Variants in STPG2 observed in about 807,000 individuals in gnomAD.
STPG2 encodes sperm tail PG-rich repeat containing 2, also known as sperm-tail PG-rich repeat-containing protein 2.
A neutral mutation model predicts 54.2 loss-of-function variants in STPG2; 56 were observed. That is an observed-to-expected ratio of 1.03 (90% CI 0.83 to 1.29). STPG2 has a LOEUF of 1.29. Ranked by LOEUF, STPG2 falls within the 50% of genes most tolerant of loss-of-function variation. The pLI is 0.00. For synonymous variants in STPG2, 200 were observed against 181.8 expected (o/e 1.10, Z -0.81); for missense variants, 596 against 544.9 (o/e 1.09, Z -0.93).
intron 8 of STPG2, among the ~76,000 whole-genome samples, chr4:97,863,769 C>G (rs369861136): frequency 1.3e-5 from 2 of 152,140 alleles, no homozygotes; most frequent in East Asian, 1.9e-4. Context: ...TGGGCTTCAT[C>G]CCTGGGATGC....
intron 4 of STPG2, among the ~76,000 whole-genome samples, chr4:97,502,879 T>A (rs1004770164): frequency 2.0e-5 from 3 of 152,020 alleles, no homozygotes; most frequent in African/African-American, 7.2e-5. Flanking sequence ...CCCCTTACGC[T>A]GTGAATAGCA....
At chr4:97,904,147 G>T (rs1018796645) in intron 8 of STPG2, among the ~76,000 whole-genome samples, 3 of 152,240 alleles carry the variant, frequency 2.0e-5, no homozygotes, top group Non-Finnish European at 4.4e-5. Context: ...TCTGGGGGCA[G>T]GGCACAGAAA....
intron 8 of STPG2, among the ~76,000 whole-genome samples, chr4:97,900,528 A>T (rs1043050541): frequency 6.6e-6 from 1 of 151,916 alleles, no homozygotes; most frequent in African/African-American, 2.4e-5. Context: ...AACCTCAGTG[A>T]CCATTAATGA....
At chr4:97,472,994 G>A (rs1729975877) in intron 4 of STPG2, among the ~76,000 whole-genome samples, 1 of 152,062 alleles carries the variant, frequency 6.6e-6, no homozygotes, top group Non-Finnish European at 1.5e-5. Context: ...AAGATTTCAT[G>A]GACACTTATC....
intron 5 of STPG2, among the ~76,000 whole-genome samples, chr4:98,001,949 A>G (rs112040053): frequency 0.012 from 1,790 of 152,216 alleles, 30 homozygotes; most frequent in African/African-American, 0.041. Flanking sequence ...ATCTTAGAGT[A>G]TAAGTATATT....
At chr4:97,990,697 G>A (rs972601238) in intron 5 of STPG2, among the ~76,000 whole-genome samples, 1 of 152,088 alleles carries the variant, frequency 6.6e-6, no homozygotes, top group Non-Finnish European at 1.5e-5. Flanking sequence ...CCCAGACCTT[G>A]AAAGTATACT....
intron 5 of STPG2, among the ~76,000 whole-genome samples, chr4:98,003,225 T>C (rs1735468428): frequency 1.3e-5 from 2 of 152,070 alleles, no homozygotes; most frequent in South Asian, 4.1e-4. Context: ...GATGAAAAGT[T>C]GTAATATTTT....
At position 97,707,963 on chromosome 4, in the gene STPG2, C is replaced by G. The variant is rs149446574; in HGVS notation, c.1320+4736G>C. On this transcript the variant is annotated intron_variant, in intron 10 of 10. Transcript: ENST00000295268. ...AAGCATGCAAAACATGGTAAAATTT[C>G]TTAGATAAGTTGGTAACCATTACTA... Among the ~76,000 whole-genome samples, 421 of 152,174 alleles carry G rather than the reference C, an allele frequency of 2.8e-3. 3 individuals carry two copies. Among genetic ancestry groups the G allele is most frequent in the African/African-American group, 9.3e-3 (386 of 41,532 alleles).
chr4:97,660,534 G>C (rs1722349398), intron 10 of STPG2, among the ~76,000 whole-genome samples: 1 of 152,156 alleles, frequency 6.6e-6, no homozygotes, highest in African/African-American at 2.4e-5. Context: ...AATGGGAAAG[G>C]ATGAGTTCTC....
chr4:97,905,826 A>C (rs1731391887), intron 8 of STPG2, among the ~76,000 whole-genome samples: 2 of 152,230 alleles, frequency 1.3e-5, no homozygotes, highest in Non-Finnish European at 2.9e-5. Context: ...AACGAGAACA[A>C]AGACACAACA....
chr4:98,078,692 G>C (rs1341739648), intron 5 of STPG2, among the ~76,000 whole-genome samples: 1 of 152,136 alleles, frequency 6.6e-6, no homozygotes, highest in South Asian at 2.1e-4. Flanking sequence ...GAATTAATCT[G>C]CTCTTACAAA....
intron 5 of STPG2, among the ~76,000 whole-genome samples, chr4:98,093,828 G>C (rs928644473): frequency 1.3e-5 from 2 of 152,170 alleles, no homozygotes; most frequent in African/African-American, 4.8e-5. Context: ...GCTGAGCTCA[G>C]CCAGCACCCA....
rs142108725 is a variant in STPG2 at position 97,457,281 on chromosome 4, G to A, written c.462+255418C>T. ...TTAACCAGATGAAATGAACACTTAT[G>A]TCTATTCAAAAACCTGCACATGAAT... is the stretch of plus-strand genomic sequence containing the variant. On this transcript the variant is annotated intron_variant, in intron 4 of 4. Coordinates refer to the STPG2 transcript ENST00000522676. Among the ~76,000 whole-genome samples, 64 of 152,312 alleles carry A rather than the reference G, an allele frequency of 4.2e-4. 1 individual carries two copies. The highest frequency in any genetic ancestry group is 5.4e-4 in the Non-Finnish European group (37 of 68,030).
intron 1 of STPG2, among the ~76,000 whole-genome samples, chr4:98,141,206 G>GA (rs569239423): frequency 2.6e-5 from 4 of 151,624 alleles, no homozygotes; most frequent in East Asian, 1.9e-4. Flanking sequence ...ATGAGACAAG[G>GA]AAAAAAAATC....
At chr4:97,561,385 C>T (rs1310470821) in intron 10 of STPG2, among the ~76,000 whole-genome samples, 1 of 152,124 alleles carries the variant, frequency 6.6e-6, no homozygotes, top group African/African-American at 2.4e-5. Context: ...AATTTTCTCC[C>T]ATTTTGTAGG....
chr4:97,993,175 A>G (rs1735075582), intron 5 of STPG2, among the ~76,000 whole-genome samples: 1 of 152,142 alleles, frequency 6.6e-6, no homozygotes, highest in Non-Finnish European at 1.5e-5. Flanking sequence ...TCTCAGGAAG[A>G]ATGCTTTCAA....
chr4:97,788,833 T>C (rs1560528368), intron 9 of STPG2, among the ~76,000 whole-genome samples: 1 of 152,126 alleles, frequency 6.6e-6, no homozygotes, highest in African/African-American at 2.4e-5. Context: ...TATTTATTGT[T>C]ATACAGAAAT....
chr4:97,564,107 G>C (rs4404554), intron 10 of STPG2, among the ~76,000 whole-genome samples: 6,840 of 152,018 alleles, frequency 0.045, 406 homozygotes, highest in African/African-American at 0.14. Flanking sequence ...CTTTATGAAT[G>C]TAGGTGCTCC....
chr4:97,504,117 T>C (rs933065244), intron 4 of STPG2, among the ~76,000 whole-genome samples: 3 of 145,788 alleles, frequency 2.1e-5, no homozygotes, highest in African/African-American at 7.4e-5. Context: ...AATAAATATT[T>C]ATTTAAATAT....
Sources: allele counts gnomAD v4.1 joint callset (sites outside exome capture counted in the v4.1 genomes callset), GRCh38; gene constraint gnomAD v4.1.1; transcripts MANE v1.5; gene names NCBI Gene and HGNC (gene_info 2026-07-23, HGNC 2026-07-21).